The following CACNA1C variants were observed in gnomAD, a reference collection of about 807,000 sequenced individuals.
CACNA1C encodes the protein calcium voltage-gated channel subunit alpha1 C.
Under a neutral mutation model 229.0 loss-of-function variants are expected in CACNA1C, and 30 were observed. The observed-to-expected ratio is 0.13, with a 90% confidence interval of 0.10 to 0.18. CACNA1C has a LOEUF of 0.18. Among genes scored for constraint, CACNA1C ranks in the 10% least tolerant of loss-of-function variants. The pLI is 1.00. For synonymous variants in CACNA1C, 1,114 were observed against 1,132.5 expected, an observed-to-expected ratio of 0.98 and a Z score of 0.33; for missense variants, 1,658 against 2,845.0, an observed-to-expected ratio of 0.58 and a Z score of 9.49.
chr12:2,175,218 T>A (rs2096612245), intron 3 of CACNA1C, among the ~76,000 whole-genome samples: 1 of 152,194 alleles, frequency 6.6e-6, no homozygotes, highest in African/African-American at 2.4e-5. Context: ...TTTCCCTTAT[T>A]ATGTCGAAAT....
intron 24 of CACNA1C, among the ~76,000 whole-genome samples, chr12:2,606,110 G>A (rs2075213110): frequency 6.6e-6 from 1 of 152,168 alleles, no homozygotes; most frequent in South Asian, 2.1e-4. Context: ...GCCTGCAGCG[G>A]TGACCTATTA....
intron 5 of CACNA1C, among the ~76,000 whole-genome samples, chr12:2,473,426 C>G (rs1173244976): frequency 6.6e-6 from 1 of 152,058 alleles, no homozygotes; most frequent in African/African-American, 2.4e-5. Flanking sequence ...GTGCTGTCCT[C>G]GGGAAACTGT....
At chr12:2,372,473 C>T (rs904781531) in intron 3 of CACNA1C, among the ~76,000 whole-genome samples, 17 of 152,336 alleles carry the variant, frequency 1.1e-4, no homozygotes, top group East Asian at 3.9e-4. Flanking sequence ...AGATCTCCAG[C>T]AGGGGCTTCT....
Position 2,597,132 on chromosome 12 carries a change from G to A in CACNA1C, c.2794-98G>A. 2 of 768,544 alleles carry A rather than the reference G, an allele frequency of 2.6e-6. No individual in the cohort carries two copies. The highest frequency in any genetic ancestry group is 4.6e-6 in the Non-Finnish European group (2 of 437,632). 47.6% of individuals were successfully genotyped at this position (768,544 alleles called of 1,614,324 possible). ...AGTGCCAGGCATCTCATTTTGAAGT[G>A]TGGCCCCTTTTCTGGTGAACATCCA... On this transcript the variant is annotated intron_variant, in intron 20 of 46. Transcript: ENST00000399655. This position sits in a 1 kb window ranked among gnomAD's most constrained non-coding sequence, Gnocchi z 4.3.
intron 1 of CACNA1C, among the ~76,000 whole-genome samples, chr12:2,007,602 C>T (rs2429127): frequency 0.69 from 105,350 of 152,174 alleles, 37,087 homozygotes; most frequent in African/African-American, 0.83. Flanking sequence ...ACTTTGCTTA[C>T]GGGGAAAATT....
At chr12:1,997,022 T>C (rs2041086790) in intron 1 of CACNA1C, among the ~76,000 whole-genome samples, 1 of 152,224 alleles carries the variant, frequency 6.6e-6, no homozygotes. Flanking sequence ...TGAATGTTTA[T>C]GTGAATGAAA....
chr12:2,443,879 T>C (rs977087079), intron 3 of CACNA1C, among the ~76,000 whole-genome samples: 2 of 152,238 alleles, frequency 1.3e-5, no homozygotes, highest in Non-Finnish European at 2.9e-5. Flanking sequence ...TTTGTTGTTT[T>C]TTTTAAAGTA....
chr12:2,205,052 T>C (rs1440445805), intron 3 of CACNA1C, among the ~76,000 whole-genome samples: 2 of 151,252 alleles, frequency 1.3e-5, no homozygotes, highest in African/African-American at 4.9e-5. Flanking sequence ...AGGGAGAGGG[T>C]CTTGGCCACA....
rs1172769322 is a variant in CACNA1C at position 2,584,528 on chromosome 12, C to A, written c.2250C>A (p.Ala750=). The A allele has an allele frequency of 1.2e-6, 2 of 1,613,490 alleles. No homozygotes were observed. The highest frequency in any genetic ancestry group is 1.7e-6 in the Non-Finnish European group (2 of 1,179,460). ...GNYILLNVFL[A]IAVDNLADAE... ...ATATCCTACTGAATGTGTTCTTGGC[C>A]ATTGCTGTGGACAACCTGGCTGATG... The change falls in exon 16 of 47, where the codon GCC becomes GCA. Residue 750 remains alanine, a synonymous_variant. Transcript: ENST00000399655.
chr12:2,324,604 G>A (rs866077215), intron 3 of CACNA1C, among the ~76,000 whole-genome samples: 9 of 151,142 alleles, frequency 6.0e-5, no homozygotes, highest in African/African-American at 1.9e-4. Context: ...ATGCTGCCAG[G>A]ACCCTGATGT....
rs553669011 is a variant in CACNA1C at position 2,665,264 on chromosome 12, G to A, written c.4398+274G>A. On this transcript the variant is annotated intron_variant, in intron 35 of 46. Transcript: ENST00000399655. The surrounding 1 kb of genome is among the most constrained non-coding windows in gnomAD (Gnocchi z 5.9). ...ACGGGGACATGTGGGGGCCTAGAAA[G>A]AACTGTACTTTTTTGGCATCTTGCT... Among the ~76,000 whole-genome samples the A allele has an allele frequency of 3.9e-5, 6 of 152,344 alleles. No individual in the cohort carries two copies. Among genetic ancestry groups the A allele is most frequent in the Non-Finnish European group, 7.3e-5 (5 of 68,030 alleles).
chr12:2,310,352 A>T (rs2370418), intron 3 of CACNA1C, among the ~76,000 whole-genome samples: 65,839 of 139,492 alleles, frequency 0.47, 16,337 homozygotes, highest in East Asian at 0.55. Flanking sequence ...TAAAAAAAAA[A>T]ATATATATAT....
chr12:2,237,026 A>C (rs1286036932), intron 3 of CACNA1C, among the ~76,000 whole-genome samples: 1 of 152,192 alleles, frequency 6.6e-6, no homozygotes, highest in Non-Finnish European at 1.5e-5. Flanking sequence ...TTGGTAGATA[A>C]GCACATCTGA....
At chr12:2,070,596 T>C (rs58392430) in intron 1 of CACNA1C, among the ~76,000 whole-genome samples, 4,767 of 152,308 alleles carry the variant, frequency 0.031, 208 homozygotes, top group African/African-American at 0.094. Flanking sequence ...TTTAAAGATA[T>C]TCCATTATCT....
At chr12:2,481,223 G>A (rs947210889) in intron 5 of CACNA1C, among the ~76,000 whole-genome samples, 2 of 152,186 alleles carry the variant, frequency 1.3e-5, no homozygotes, top group African/African-American at 4.8e-5. Flanking sequence ...TCTGTTGTCA[G>A]CCCTCGTCAG....
chr12:2,412,223 C>A (rs1184203680), intron 3 of CACNA1C, among the ~76,000 whole-genome samples: 1 of 152,190 alleles, frequency 6.6e-6, no homozygotes, highest in East Asian at 1.9e-4. Flanking sequence ...CCACAAAGGC[C>A]CCCCACAATC....
chr12:2,346,261 C>G lies in CACNA1C; in HGVS notation c.478-102715C>G, dbSNP rs1409003441. 6.6e-6 allele frequency among the ~76,000 whole-genome samples: 1 copy of G among 151,932 alleles called. No individual in the cohort carries two copies. Among genetic ancestry groups the G allele is most frequent in the African/African-American group, 2.4e-5 (1 of 41,334 alleles). Reference sequence around the variant, plus strand: ...TGTGTGTGTCTCTGTCTGTGCATCTCTCGTATGTGCCTGTGTCTCTATGTA... The same window carrying G: ...TGTGTGTGTCTCTGTCTGTGCATCTGTCGTATGTGCCTGTGTCTCTATGTA... On this transcript the variant is annotated intron_variant, in intron 3 of 46. Transcript: ENST00000399655. This position sits in a 1 kb window ranked among gnomAD's most constrained non-coding sequence, Gnocchi z 4.4.
At chr12:2,618,449 C>G (rs1335291406) in intron 29 of CACNA1C, among the ~76,000 whole-genome samples, 1 of 152,236 alleles carries the variant, frequency 6.6e-6, no homozygotes, top group African/African-American at 2.4e-5. Context: ...AGTGCATGAG[C>G]CTGTGTCAGA....
intron 1 of CACNA1C, among the ~76,000 whole-genome samples, chr12:2,087,014 TAGTC>T (rs1367964646): frequency 6.6e-6 from 1 of 152,174 alleles, no homozygotes; most frequent in Non-Finnish European, 1.5e-5. Context: ...GAGCTCTTCT[TAGTC>T]AGGGCATTTT....
Sources: gnomAD v4.1 joint callset for allele counts (sites outside exome capture counted in the v4.1 genomes callset) on GRCh38, gnomAD v4.1.1 for gene constraint, Gnocchi (gnomAD v3.1) non-coding constraint, MANE v1.5 for transcripts, NCBI Gene and HGNC (gene_info 2026-07-23, HGNC 2026-07-21) for gene names.